Variants in ZNF101 observed in about 807,000 individuals in gnomAD.
The protein encoded by ZNF101 is zinc finger protein 101 (Y2).
A neutral mutation model predicts 42.6 loss-of-function variants in ZNF101; 34 were observed. The observed-to-expected ratio is 0.80, with a 90% CI of 0.61 to 1.06. The LOEUF (loss-of-function observed/expected upper bound fraction) is 1.06. ZNF101 is among the 50% of genes least tolerant of loss of function. The pLI, the probability that ZNF101 is intolerant of heterozygous loss-of-function variation, is 0.00. For synonymous variants in ZNF101, 158 were observed against 183.9 expected (o/e 0.86, Z 1.14); for missense variants, 466 against 530.9 (o/e 0.88, Z 1.20).
At chr19:19,668,832 G>GT, upstream of ZNF101, 3 of 1,194,518 alleles carry the variant, frequency 2.5e-6, no homozygotes, top group Non-Finnish European at 3.4e-6. Context: ...TTTCCCGCCG[G>GT]CCCCCCATTC....
rs1183574946 is a variant in ZNF101, at chr19:19,681,278, A to T, written c.*978A>T. On this transcript the variant is annotated 3_prime_UTR_variant, in exon 4 of 4. Coordinates refer to ENST00000592502, the MANE Select transcript of ZNF101 (RefSeq NM_033204.4). ...TCTATTCAGAGCCATAAAAGGACTC[A>T]TACTGGAGAAAAATTGTAGAAATGT... 6.6e-6 allele frequency: 1 copy of T among 152,244 alleles called. No homozygotes were observed. The highest frequency in any genetic ancestry group is 1.9e-4 in the East Asian group (1 of 5,202). 9.4% of individuals were successfully genotyped at this position (152,244 alleles called of 1,614,324 possible). A position where few individuals can be genotyped will look rare whatever the true frequency, so the allele number is the denominator to read the frequency against.
At position 19,679,398 on chromosome 19, in the gene ZNF101, A is replaced by C. The variant is rs1434656017; in HGVS notation, c.409A>C (p.Arg137=). 2.5e-6 allele frequency: 4 copies of C among 1,614,018 alleles called. No homozygotes were observed. The highest frequency in any genetic ancestry group is 2.5e-6 in the Non-Finnish European group (3 of 1,179,944). Residue 137 remains arginine (R), a synonymous_variant, in exon 4 of 4, where the codon AGA becomes CGA. Transcript: ENST00000592502. The part of the protein sequence containing the change: ...HKRSECGGEW[R]ETPRKQKQHG... Reference sequence around the variant, plus strand: ...ACGATCTGAGTGTGGTGGGGAATGGAGAGAGACGCCCCGTAAACAGAAACA... The same window carrying C: ...ACGATCTGAGTGTGGTGGGGAATGGCGAGAGACGCCCCGTAAACAGAAACA...
chr19:19,668,815 G>C (rs546421261), upstream of ZNF101: 455 of 986,158 alleles, frequency 4.6e-4, 3 homozygotes, highest in African/African-American at 6.3e-3. Context: ...AGCCCGAAGC[G>C]GTCTCATTTC....
chr19:19,674,062 G>T (rs2062187781), intron 1 of ZNF101, among the ~76,000 whole-genome samples: 1 of 152,056 alleles, frequency 6.6e-6, no homozygotes. Flanking sequence ...AAAGTGCTGG[G>T]ATTACAGATG....
chr19:19,672,997 T>C (rs1469786746), intron 1 of ZNF101, among the ~76,000 whole-genome samples: 2 of 152,048 alleles, frequency 1.3e-5, no homozygotes, highest in African/African-American at 4.8e-5. Flanking sequence ...CAGACTGGAA[T>C]GCAGTGGCAC....
intron 1 of ZNF101, among the ~76,000 whole-genome samples, chr19:19,671,392 C>T (rs1403568247): frequency 6.6e-6 from 1 of 152,128 alleles, no homozygotes; most frequent in African/African-American, 2.4e-5. Flanking sequence ...ATCTCTTTTC[C>T]TAAGGATACT....
intron 1 of ZNF101, among the ~76,000 whole-genome samples, chr19:19,675,814 G>T (rs1449529522): frequency 6.6e-6 from 1 of 152,080 alleles, no homozygotes; most frequent in Non-Finnish European, 1.5e-5. Context: ...TTTGAGAGGA[G>T]CCTGGGCAAC....
rs577326114 is a variant in ZNF101, at chr19:19,671,288, G to T, written c.3+2322G>T. Among the ~76,000 whole-genome samples the T allele has an allele frequency of 9.9e-5, 15 of 152,202 alleles. No individual in the cohort carries two copies. In the East Asian group the frequency reaches 2.9e-3, roughly 29 times the overall value. The stretch of plus-strand genomic sequence containing the variant: ...CGCTGAATCCTTTGGGATAAGTTTG[G>T]CAACATCTAGAAGTAGTCAGATATG... On this transcript the variant is annotated intron_variant, in intron 1 of 3. Coordinates refer to ENST00000592502, the MANE Select transcript of ZNF101 (RefSeq NM_033204.4).
At chr19:19,679,061 A>G in intron 3 of ZNF101, 120 bp from the exon 4 acceptor site, 2 of 1,457,446 alleles carry the variant, frequency 1.4e-6, no homozygotes, top group Non-Finnish European at 1.8e-6. Context: ...AATAATTCTG[A>G]CCCAGGAGAA....
chr19:19,673,638 A>G (rs1334649208), intron 1 of ZNF101, among the ~76,000 whole-genome samples: 1 of 150,698 alleles, frequency 6.6e-6, no homozygotes, highest in Non-Finnish European at 1.5e-5. Flanking sequence ...TTTTTAGTGT[A>G]CAAGTAGTCT....
Position 19,678,768 on chromosome 19 carries a change from A to G in ZNF101, c.173A>G (p.Asn58Ser), listed in dbSNP as rs757835307. 5 of 1,612,140 alleles carry G rather than the reference A, an allele frequency of 3.1e-6. No individual in the cohort carries two copies. In the South Asian group the frequency reaches 5.5e-5, roughly 18 times the overall value. ...CAGGACATTGAGAATCTGTACCAAA[A>G]CCTGGGGATTAAGCTAAGGTAATCT... ...KDQDIENLYQNLGIKLRSLVE... is the reference protein window; with the variant it reads ...KDQDIENLYQSLGIKLRSLVE... The change falls in exon 3 of 4, where the codon AAC becomes AGC. Residue 58 changes from asparagine (N) to serine (S), a missense_variant. Transcript: ENST00000592502.
rs2062209943 is a variant in ZNF101, at chr19:19,677,614, C to T, written c.4-250C>T. 1.3e-5 allele frequency: 5 copies of T among 398,780 alleles called. No individual in the cohort carries two copies. The South Asian group carries it at 1.4e-4, about 11-fold the overall frequency. 24.7% of individuals were successfully genotyped at this position (398,780 alleles called of 1,614,324 possible). On this transcript the variant is annotated intron_variant, in intron 1 of 3. Transcript: ENST00000592502. ...GCAAAGAGCATTTGGGGCAACGCAG[C>T]AGCACAACTGACTCCCTGGACCCAC...
At chr19:19,678,115 G>C in intron 2 of ZNF101, 125 bp downstream of exon 2, 1 of 1,373,818 alleles carries the variant, frequency 7.3e-7, no homozygotes, top group Non-Finnish European at 9.9e-7. Flanking sequence ...TCGTGGGCCA[G>C]GTACAGTGGC....
chr19:19,668,358 T>A (rs1234152754), upstream of ZNF101, among the ~76,000 whole-genome samples: 1 of 151,878 alleles, frequency 6.6e-6, no homozygotes, highest in Non-Finnish European at 1.5e-5. Context: ...ATCCTGGAGA[T>A]GTTTTTGCCA....
At chr19:19,675,233 G>A (rs551962486) in intron 1 of ZNF101, among the ~76,000 whole-genome samples, 1 of 152,120 alleles carries the variant, frequency 6.6e-6, no homozygotes, top group African/African-American at 2.4e-5. Context: ...CGCCTCCCGG[G>A]TTCATGGGAT....
In ZNF101 at chr19:19,680,076, GA is replaced by G. The variant is rs763467657; in HGVS notation, c.1091del (p.Lys364SerfsTer23). On this transcript the variant is annotated frameshift_variant, in exon 4 of 4. Coordinates refer to ENST00000592502, the MANE Select transcript of ZNF101 (RefSeq NM_033204.4). LOFTEE classifies it high-confidence loss of function. The stretch of plus-strand genomic sequence containing the variant: ...AAGACATAAAAAAACTCATAGTGGA[GA>G]AAAGCCATATGAATGTACAAGGTGT... ...FRRHKKTHSG[E>X]KPYECTRCGK... The G allele has an allele frequency of 3.7e-6, 6 of 1,614,126 alleles. No individual in the cohort carries two copies. In the African/African-American group the frequency reaches 8.0e-5, roughly 22 times the overall value.
intron 1 of ZNF101, among the ~76,000 whole-genome samples, chr19:19,675,311 G>T (rs536905103): frequency 6.6e-6 from 1 of 151,596 alleles, no homozygotes; most frequent in African/African-American, 2.4e-5. Context: ...GTAATTTTTT[G>T]TATTTTTAGT....
chr19:19,678,093 A>G, intron 2 of ZNF101, 103 bp downstream of exon 2: 1 of 1,517,294 alleles, frequency 6.6e-7, no homozygotes, highest in Non-Finnish European at 8.9e-7. Flanking sequence ...ACGTTGGTGA[A>G]TAAATGGGGC....
chr19:19,677,390 C>G (rs922027551), intron 1 of ZNF101: 1 of 165,188 alleles, frequency 6.1e-6, no homozygotes, highest in Non-Finnish European at 1.3e-5. Context: ...TACCATAAAC[C>G]GTTTAGCCAC....
Sources: allele counts gnomAD v4.1 joint callset (sites outside exome capture counted in the v4.1 genomes callset), GRCh38; gene constraint gnomAD v4.1.1; transcripts MANE v1.5; gene names NCBI Gene and HGNC (gene_info 2026-07-23, HGNC 2026-07-21).